The following XPO7 variants were observed in gnomAD, a reference collection of about 807,000 sequenced individuals.
XPO7 encodes the protein exportin 7, also known as exportin-7.
XPO7 carries 21 observed loss-of-function variants against 144.3 expected under a neutral mutation model. That is an observed-to-expected ratio of 0.15 (90% confidence interval 0.10 to 0.21). XPO7 has a LOEUF of 0.21. Ranked by LOEUF, XPO7 falls within the 10% of genes least tolerant of loss-of-function variation. XPO7 has a pLI of 1.00. For missense variants in XPO7, 808 were observed against 1,325.8 expected, an observed-to-expected ratio of 0.61 and a Z score of 6.06; for synonymous variants, 580 against 499.6, an observed-to-expected ratio of 1.16 and a Z score of -2.15.
intron 6 of XPO7, among the ~76,000 whole-genome samples, chr8:21,975,321 A>C (rs531591555): frequency 7.2e-5 from 11 of 152,238 alleles, no homozygotes; most frequent in Non-Finnish European, 1.5e-4. Flanking sequence ...AACCTGGAGG[A>C]GTAGACAGTA....
rs773058732 is a variant in XPO7 at position 21,999,197 on chromosome 8, G to T, written c.2535G>T (p.Gly845=). 6.2e-7 allele frequency: 1 copy of T among 1,613,982 alleles called. No homozygotes were observed. Among genetic ancestry groups the T allele is most frequent in the Non-Finnish European group, 8.5e-7 (1 of 1,179,890 alleles). The change falls in exon 23 of 28, where the codon GGG becomes GGT. Residue 845 remains glycine, a synonymous_variant. Transcript: ENST00000252512. ...CCATGCTGAAGGCTGCTCTCAGTGG[G>T]AGTTACGTCAATTTCGGAGTCTTTC... The part of the protein sequence containing the change: ...CFSMLKAALS[G]SYVNFGVFRL...
chr8:21,999,450 A>C, intron 23 of XPO7, 86 bp from the exon 24 acceptor site: 1 of 1,584,988 alleles, frequency 6.3e-7, no homozygotes, highest in Non-Finnish European at 8.6e-7. Flanking sequence ...TCCCACCTAA[A>C]AGGAGCTAAG....
Position 21,995,537 on chromosome 8 carries a change from G to A in XPO7, c.2283G>A (p.Trp761Ter). The change falls in exon 21 of 28, where the codon TGG becomes TGA. Residue 761 changes from tryptophan to a stop codon, truncating the protein, a stop_gained. Coordinates refer to ENST00000252512, the MANE Select transcript of XPO7 (RefSeq NM_015024.5). LOFTEE classifies it high-confidence loss of function. ...MPILQRAIELWYHDPACTTPV... is the reference protein window; with the variant it reads ...MPILQRAIEL Reference sequence around the variant, plus strand: ...TTCTCCAACGGGCAATTGAGCTCTGGTACCATGATCCAGCCTGTACTACAC... The same window carrying A: ...TTCTCCAACGGGCAATTGAGCTCTGATACCATGATCCAGCCTGTACTACAC... 1 of 1,610,548 alleles carries A rather than the reference G, an allele frequency of 6.2e-7. No homozygotes were observed.
At chr8:21,952,063 G>A (rs1811391835) in intron 1 of XPO7, among the ~76,000 whole-genome samples, 1 of 152,120 alleles carries the variant, frequency 6.6e-6, no homozygotes, top group Non-Finnish European at 1.5e-5. Context: ...TTCCTAGGAT[G>A]GCCTGCTTTC....
At chr8:21,929,254 G>A (rs1195884713) in intron 1 of XPO7, among the ~76,000 whole-genome samples, 2 of 152,228 alleles carry the variant, frequency 1.3e-5, no homozygotes, top group East Asian at 3.8e-4. Flanking sequence ...GGGATTAGAA[G>A]CAAAGTGGAA....
intron 13 of XPO7, among the ~76,000 whole-genome samples, chr8:21,986,238 G>T (rs952257398): frequency 6.6e-6 from 1 of 150,662 alleles, no homozygotes; most frequent in Non-Finnish European, 1.5e-5. Flanking sequence ...CCCTGTTCCA[G>T]GTTCTCCCGG....
chr8:21,986,577 G>T (rs1812586673), intron 13 of XPO7, among the ~76,000 whole-genome samples: 1 of 152,078 alleles, frequency 6.6e-6, no homozygotes, highest in South Asian at 2.1e-4. Flanking sequence ...TTTCCCACTG[G>T]CATTTTTTGA....
chr8:21,946,022 C>G (rs1811178643), intron 1 of XPO7, among the ~76,000 whole-genome samples: 1 of 152,124 alleles, frequency 6.6e-6, no homozygotes, highest in African/African-American at 2.4e-5. Flanking sequence ...GTTAGCTCCC[C>G]ATAGCCACTA....
intron 25 of XPO7, 63 bp downstream of exon 25, chr8:22,002,335 G>C: frequency 1.3e-6 from 2 of 1,556,380 alleles, no homozygotes; most frequent in Non-Finnish European, 1.7e-6. Context: ...ACCTCTGCAA[G>C]ACAGGGGAGC....
intron 1 of XPO7, among the ~76,000 whole-genome samples, chr8:21,946,412 A>G (rs181754953): frequency 1.3e-5 from 2 of 152,192 alleles, no homozygotes; most frequent in African/African-American, 2.4e-5. Flanking sequence ...ATAGATTAGC[A>G]TATTAGATAG....
Position 21,965,942 on chromosome 8 carries a change from C to G in XPO7, c.19-915C>G, listed in dbSNP as rs2117321974. 4.0e-5 allele frequency among the ~76,000 whole-genome samples: 6 copies of G among 151,164 alleles called. 1 individual carries two copies. In the South Asian group the frequency reaches 1.3e-3, roughly 32 times the overall value. On this transcript the variant is annotated intron_variant, in intron 1 of 27. Coordinates refer to ENST00000252512, the MANE Select transcript of XPO7 (RefSeq NM_015024.5). The stretch of plus-strand genomic sequence containing the variant: ...ATAGGCTCCAATTTTTTCTTAAAGT[C>G]CAAACCATTCCTTTAAAGGCTAACA...
rs182330861 is a variant in XPO7 at position 21,990,674 on chromosome 8, A to T, written c.1933-137A>T. 39 of 966,868 alleles carry T rather than the reference A, an allele frequency of 4.0e-5. No homozygotes were observed. In the African/African-American group the frequency reaches 5.6e-4, roughly 14 times the overall value. The allele number at this position is 966,868 out of a possible 1,614,324, so 59.9% of individuals were successfully genotyped here. A position where few individuals can be genotyped will look rare whatever the true frequency, so the allele number is the denominator to read the frequency against. On this transcript the variant is annotated intron_variant, in intron 17 of 27. Coordinates refer to ENST00000252512, the MANE Select transcript of XPO7 (RefSeq NM_015024.5). The stretch of plus-strand genomic sequence containing the variant: ...GACAACGGTAGCCTGCCTTCAAAAA[A>T]AAAAAAACCTTCAGATCCTCAAGGA...
At chr8:21,940,908 A>T (rs1810969020) in intron 1 of XPO7, among the ~76,000 whole-genome samples, 1 of 152,158 alleles carries the variant, frequency 6.6e-6, no homozygotes, top group African/African-American at 2.4e-5. Flanking sequence ...CCCCAAACAG[A>T]GGTACATGCC....
chr8:21,932,160 G>A (rs1163965260), intron 1 of XPO7, among the ~76,000 whole-genome samples: 2 of 152,160 alleles, frequency 1.3e-5, no homozygotes, highest in Non-Finnish European at 2.9e-5. Flanking sequence ...GAGCCACCAC[G>A]CCTGGCCAGA....
At chr8:21,960,781 G>A (rs1300945460) in intron 1 of XPO7, among the ~76,000 whole-genome samples, 1 of 152,216 alleles carries the variant, frequency 6.6e-6, no homozygotes, top group Non-Finnish European at 1.5e-5. Context: ...ACTAATGGGA[G>A]TCGTGGTTGT....
chr8:21,934,618 T>TG (rs2117255793), intron 1 of XPO7, among the ~76,000 whole-genome samples: 1 of 152,268 alleles, frequency 6.6e-6, no homozygotes, highest in South Asian at 2.1e-4. Flanking sequence ...GGGGACAGTG[T>TG]ACCAGACAAA....
At chr8:21,948,712 T>C (rs1008378064) in intron 1 of XPO7, among the ~76,000 whole-genome samples, 1 of 152,194 alleles carries the variant, frequency 6.6e-6, no homozygotes, top group African/African-American at 2.4e-5. Context: ...TATTCATCCT[T>C]CACCAGAAAA....
chr8:21,997,141 G>A (rs1812978336), intron 21 of XPO7, among the ~76,000 whole-genome samples: 1 of 152,122 alleles, frequency 6.6e-6, no homozygotes, highest in Non-Finnish European at 1.5e-5. Flanking sequence ...CTTATGGAGT[G>A]GGTAATATTT....
intron 1 of XPO7, among the ~76,000 whole-genome samples, chr8:21,959,556 GAA>G (rs1811652084): frequency 6.6e-6 from 1 of 152,100 alleles, no homozygotes; most frequent in African/African-American, 2.4e-5. Flanking sequence ...CTAGGTCACT[GAA>G]GTTGTTTGTG....
Sources: gnomAD v4.1 joint callset for allele counts (sites outside exome capture counted in the v4.1 genomes callset) on GRCh38, gnomAD v4.1.1 for gene constraint, MANE v1.5 for transcripts, NCBI Gene and HGNC (gene_info 2026-07-23, HGNC 2026-07-21) for gene names.